Variants in SMPD4 observed in about 807,000 individuals in gnomAD.
The protein encoded by SMPD4 is neutral sphingomyelinase 3.
In SMPD4, 58 loss-of-function variants were observed where a neutral mutation model predicts 97.8. The ratio of observed to expected loss-of-function variants is 0.59; its 90% confidence interval spans 0.48 to 0.74. SMPD4 has a LOEUF of 0.74. Among genes scored for constraint, SMPD4 ranks in the 30% least tolerant of loss-of-function variants. SMPD4 has a pLI of 0.00. For missense variants in SMPD4, 853 were observed against 1,080.5 expected (o/e 0.79, Z 2.95); for synonymous variants, 388 against 450.0 (o/e 0.86, Z 1.74).
chr2:130,162,241 G>A (rs554167224), intron 10 of SMPD4, among the ~76,000 whole-genome samples: 6 of 152,352 alleles, frequency 3.9e-5, no homozygotes, highest in East Asian at 1.9e-4. Context: ...AGGACCCTCC[G>A]ACCTGCTGCC....
intron 11 of SMPD4, chr2:130,159,502 G>T (rs189469161): frequency 6.6e-6 from 1 of 152,244 alleles, no homozygotes; most frequent in Non-Finnish European, 1.5e-5. Context: ...AGCCGGGTGG[G>T]TGGCACATGC....
intron 1 of SMPD4, among the ~76,000 whole-genome samples, chr2:130,180,725 G>T (rs1399778050): frequency 6.6e-6 from 1 of 152,238 alleles, no homozygotes; most frequent in African/African-American, 2.4e-5. Flanking sequence ...GACGATGAAG[G>T]GGAGAGCATC....
chr2:130,171,836 C>T (rs1047483530), intron 8 of SMPD4, among the ~76,000 whole-genome samples: 18 of 152,212 alleles, frequency 1.2e-4, no homozygotes, highest in African/African-American at 3.6e-4. Context: ...AGTCGGCCTG[C>T]GTTAGTGCCC....
intron 8 of SMPD4, among the ~76,000 whole-genome samples, chr2:130,172,101 T>C (rs1306256934): frequency 1.3e-5 from 2 of 152,198 alleles, no homozygotes; most frequent in East Asian, 3.9e-4. Context: ...CCCATTCCCA[T>C]GCAGGCCGTG....
rs995175804 is a variant in SMPD4, at chr2:130,161,118, C to A, written c.951+68G>T. 24 of 1,491,898 alleles carry A rather than the reference C, an allele frequency of 1.6e-5. No homozygotes were observed. The African/African-American group carries it at 2.9e-4, about 18-fold the overall frequency. The allele number at this position is 1,491,898 out of a possible 1,614,324, so 92.4% of individuals were successfully genotyped here. The stretch of plus-strand genomic sequence containing the variant: ...CTGAGTCACCAGCGGCCGGCCCCGG[C>A]GGCCCCTTGCTTTGCCAGGCATGGA... On this transcript the variant is annotated intron_variant, in intron 11 of 19. Transcript: ENST00000680298.
intron 9 of SMPD4, among the ~76,000 whole-genome samples, chr2:130,165,195 T>C (rs1269285969): frequency 1.5e-5 from 2 of 136,744 alleles, no homozygotes; most frequent in Non-Finnish European, 3.1e-5. Flanking sequence ...CCAAGGCAGG[T>C]GGATCACCTG....
chr2:130,161,537 C>G (rs572503222), intron 10 of SMPD4, among the ~76,000 whole-genome samples: 13 of 152,182 alleles, frequency 8.5e-5, no homozygotes, highest in African/African-American at 3.1e-4. Context: ...ACACTCTCCT[C>G]GCTTTGAAGG....
At chr2:130,177,926 T>C (rs1419346324) in intron 1 of SMPD4, among the ~76,000 whole-genome samples, 1 of 152,198 alleles carries the variant, frequency 6.6e-6, no homozygotes, top group African/African-American at 2.4e-5. Context: ...AATCAAATAC[T>C]CATCTAGGTA....
chr2:130,166,919 C>T (rs1479788049), intron 9 of SMPD4, among the ~76,000 whole-genome samples: 2 of 152,252 alleles, frequency 1.3e-5, no homozygotes, highest in East Asian at 3.8e-4. Context: ...ACAGGCAAAA[C>T]GAAACAACTT....
intron 10 of SMPD4, among the ~76,000 whole-genome samples, chr2:130,161,499 C>A (rs1257032120): frequency 6.6e-6 from 1 of 152,212 alleles, no homozygotes; most frequent in Non-Finnish European, 1.5e-5. Flanking sequence ...GCAGCACCCC[C>A]CTCCACAACC....
Position 130,164,461 on chromosome 2 carries a change from A to T in SMPD4, c.793-16T>A. On this transcript the variant is annotated splice_polypyrimidine_tract_variant and intron_variant, in intron 9 of 19. Transcript: ENST00000680298. ...CAACAAAAACCTGCAAAAAAGCATTAGCTAGTCAAACCATTCTTGACAATG... is the reference window on the plus strand; with the variant it reads ...CAACAAAAACCTGCAAAAAAGCATTTGCTAGTCAAACCATTCTTGACAATG... 6.2e-7 allele frequency: 1 copy of T among 1,611,970 alleles called. No individual in the cohort carries two copies. Among genetic ancestry groups the T allele is most frequent in the Non-Finnish European group, 8.5e-7 (1 of 1,178,140 alleles).
At position 130,157,396 on chromosome 2, in the gene SMPD4, C is replaced by A; in HGVS notation, c.952G>T (p.Glu318Ter). The A allele has an allele frequency of 1.1e-5, 17 of 1,610,726 alleles. No individual in the cohort carries two copies. Among genetic ancestry groups the A allele is most frequent in the Non-Finnish European group, 1.4e-5 (17 of 1,179,276 alleles). ...TGCTCCTCAGTAGGCGTGAACGACT[C>A]CTGGGTGGAGAAGGAGGGGTGAGGG... ...PSLQALHAYQ[E>*]SFTPTEEHVL... Residue 318 changes from glutamate (E) to a stop codon, truncating the protein, a stop_gained and splice_region_variant, in exon 12 of 20, where the codon GAG becomes TAG. Transcript: ENST00000680298. LOFTEE classifies it high-confidence loss of function.
intron 3 of SMPD4, among the ~76,000 whole-genome samples, chr2:130,174,106 G>A (rs1688749137): frequency 6.6e-6 from 1 of 152,126 alleles, no homozygotes; most frequent in African/African-American, 2.4e-5. Flanking sequence ...CTGCAGCCTC[G>A]ACTTCCTGGG....
chr2:130,155,284 G>C, intron 14 of SMPD4, 25 bp from the exon 15 acceptor site: 1 of 1,613,374 alleles, frequency 6.2e-7, no homozygotes, highest in Non-Finnish European at 8.5e-7. Flanking sequence ...GGCAGGTTGG[G>C]GCCAGCCTTC....
rs771205648 is a variant in SMPD4 at position 130,172,348 on chromosome 2, C to T, written c.659+1G>A. 1 of 1,581,980 alleles carries T rather than the reference C, an allele frequency of 6.3e-7. No individual in the cohort carries two copies. Among genetic ancestry groups the T allele is most frequent in the Admixed American group, 1.8e-5 (1 of 56,564 alleles). Reference sequence around the variant, plus strand: ...CAGGTCTTAACAAAGGGCAGCCTTACCTGGGAGGTGGTGAGGGGCTGGTCC... The same window carrying T: ...CAGGTCTTAACAAAGGGCAGCCTTATCTGGGAGGTGGTGAGGGGCTGGTCC... On this transcript the variant is annotated splice_donor_variant, in intron 8 of 19. Coordinates refer to ENST00000680298, the MANE Select transcript of SMPD4 (RefSeq NM_017951.5). LOFTEE classifies it high-confidence loss of function.
intron 1 of SMPD4, among the ~76,000 whole-genome samples, chr2:130,177,694 CAAAAAAAA>C (rs747902500): frequency 9.2e-6 from 1 of 108,302 alleles, no homozygotes; most frequent in Admixed American, 1.0e-4. Flanking sequence ...GACTCCATCT[CAAAAAAAA>C]AAAAAAGAAA....
At chr2:130,156,201 A>G in intron 13 of SMPD4, 66 bp from the exon 14 acceptor site, 3 of 1,429,710 alleles carry the variant, frequency 2.1e-6, no homozygotes, top group Non-Finnish European at 2.9e-6. Flanking sequence ...CCTGGAGCCC[A>G]GATACCAGGC....
intron 3 of SMPD4, among the ~76,000 whole-genome samples, chr2:130,174,036 A>G (rs1214908034): frequency 6.6e-6 from 1 of 152,228 alleles, no homozygotes; most frequent in Non-Finnish European, 1.5e-5. Flanking sequence ...ATACATATTT[A>G]TTGAGACAAG....
Position 130,155,236 on chromosome 2 carries a change from A to G in SMPD4, c.1313T>C (p.Leu438Pro). Residue 438 changes from leucine (L) to proline (P), a missense_variant, in exon 15 of 20, where the codon CTG becomes CCG. By Grantham distance (98) the Leu-to-Pro change is moderately conservative (BLOSUM62 -3). Coordinates refer to ENST00000680298, the MANE Select transcript of SMPD4 (RefSeq NM_017951.5). The part of the protein sequence containing the change: ...EKWAPFVQEN[L>P]LMYTKLFVGF... Reference sequence around the variant, plus strand: ...CACAAACAACTTGGTGTACATCAGCAGGTTCTCCTGGACAAAGGGTGCCCT... The same window carrying G: ...CACAAACAACTTGGTGTACATCAGCGGGTTCTCCTGGACAAAGGGTGCCCT... 1.9e-6 allele frequency: 3 copies of G among 1,614,164 alleles called. No individual in the cohort carries two copies. Among genetic ancestry groups the G allele is most frequent in the Non-Finnish European group, 2.5e-6 (3 of 1,180,032 alleles).
Sources: gnomAD v4.1 joint callset for allele counts (sites outside exome capture counted in the v4.1 genomes callset) on GRCh38, gnomAD v4.1.1 for gene constraint, MANE v1.5 for transcripts, NCBI Gene and HGNC (gene_info 2026-07-23, HGNC 2026-07-21) for gene names.